Variants in NRXN1 observed in about 807,000 individuals in gnomAD.
NRXN1 encodes the protein neurexin-1.
A neutral mutation model predicts 150.9 loss-of-function variants in NRXN1; 39 were observed. The observed-to-expected ratio is 0.26, with a 90% CI of 0.20 to 0.34. The LOEUF is 0.34. Ranked by LOEUF, NRXN1 falls within the 10% of genes least tolerant of loss-of-function variation. The pLI, the probability that NRXN1 is intolerant of heterozygous loss-of-function variation, is 1.00. For synonymous variants in NRXN1, 924 were observed against 757.0 expected (o/e 1.22, Z -3.62); for missense variants, 1,815 against 1,949.9 (o/e 0.93, Z 1.30).
chr2:50,481,663 C>T (rs767652883), intron 15 of NRXN1, among the ~76,000 whole-genome samples: 13 of 151,714 alleles, frequency 8.6e-5, no homozygotes, highest in Admixed American at 3.9e-4. Flanking sequence ...AGAGTTTAGA[C>T]CTTAACGTTT....
chr2:50,182,669 A>G (rs1216852100), intron 18 of NRXN1, among the ~76,000 whole-genome samples: 2 of 152,078 alleles, frequency 1.3e-5, no homozygotes, highest in African/African-American at 4.8e-5. Flanking sequence ...AGCTGTCGCC[A>G]TCCTCTACAA....
At chr2:50,390,495 G>C (rs1285591802) in intron 17 of NRXN1, among the ~76,000 whole-genome samples, 1 of 152,136 alleles carries the variant, frequency 6.6e-6, no homozygotes, top group Admixed American at 6.6e-5. Context: ...TCAATGCTGT[G>C]TAACTGTACT....
chr2:50,373,669 A>AAGAAG (rs1156301635), intron 17 of NRXN1, among the ~76,000 whole-genome samples: 1 of 114,546 alleles, frequency 8.7e-6, no homozygotes, highest in Non-Finnish European at 1.7e-5. Context: ...AAAGAAAGAA[A>AAGAAG]GAAAGAAAGA....
In NRXN1 at chr2:50,346,417, C is replaced by A. The variant is rs2077975840; in HGVS notation, c.3365-109447G>T. 6.6e-6 allele frequency among the ~76,000 whole-genome samples: 1 copy of A among 152,118 alleles called. No individual in the cohort carries two copies. The highest frequency in any genetic ancestry group is 2.4e-5 in the African/African-American group (1 of 41,448). Reference sequence around the variant, plus strand: ...TTCCCGCGGGGCCCAGCCGCGCGACCAGGGCTGGTCCTTTAGTAGGTGTCC... The same window carrying A: ...TTCCCGCGGGGCCCAGCCGCGCGACAAGGGCTGGTCCTTTAGTAGGTGTCC... On this transcript the variant is annotated intron_variant, in intron 17 of 22. Transcript: ENST00000401669. The surrounding 1 kb of genome is among the most constrained non-coding windows in gnomAD (Gnocchi z 5.0).
intron 2 of NRXN1, among the ~76,000 whole-genome samples, chr2:51,010,384 C>A (rs1667656005): frequency 6.6e-6 from 1 of 151,968 alleles, no homozygotes; most frequent in South Asian, 2.1e-4. Context: ...TTTATTTATA[C>A]TCGCTAAACG....
At chr2:50,619,439 A>C (rs1034826633) in intron 8 of NRXN1, 1 of 152,928 alleles carries the variant, frequency 6.5e-6, no homozygotes, top group Non-Finnish European at 1.5e-5. Flanking sequence ...ATGAGGGATG[A>C]AATTATTGAT....
At chr2:50,260,856 CAGG>C (rs1331168762) in intron 17 of NRXN1, among the ~76,000 whole-genome samples, 2 of 151,784 alleles carry the variant, frequency 1.3e-5, no homozygotes, top group Middle Eastern at 3.4e-3. Context: ...TCAAAATCCT[CAGG>C]AGATCAGTCT....
chr2:50,239,526 A>G (rs1177016497), intron 17 of NRXN1, among the ~76,000 whole-genome samples: 2 of 149,530 alleles, frequency 1.3e-5, no homozygotes, highest in African/African-American at 4.9e-5. Context: ...TCTACTTATT[A>G]TGGAACATAG....
At chr2:50,027,912 CG>C in intron 21 of NRXN1, among the ~76,000 whole-genome samples, 1 of 152,226 alleles carries the variant, frequency 6.6e-6, no homozygotes, top group African/African-American at 2.4e-5. Flanking sequence ...AAATAAGCCC[CG>C]ATTCCTATTA....
intron 13 of NRXN1, among the ~76,000 whole-genome samples, chr2:50,505,348 G>A (rs949532807): frequency 2.6e-5 from 4 of 152,138 alleles, no homozygotes; most frequent in African/African-American, 4.8e-5. Flanking sequence ...GAATATGTGT[G>A]TCCTATCTAC....
chr2:50,498,991 C>T (rs2091797319), intron 13 of NRXN1, among the ~76,000 whole-genome samples: 1 of 152,176 alleles, frequency 6.6e-6, no homozygotes, highest in South Asian at 2.1e-4. Flanking sequence ...TGCATTGAAC[C>T]TTTTCCCCAG....
At chr2:50,899,149 G>C (rs908839799) in intron 5 of NRXN1, among the ~76,000 whole-genome samples, 8 of 152,082 alleles carry the variant, frequency 5.3e-5, no homozygotes, top group Non-Finnish European at 1.2e-4. Flanking sequence ...TGAAGCAATA[G>C]GTTGACTTTT....
intron 5 of NRXN1, among the ~76,000 whole-genome samples, chr2:50,744,731 A>C (rs541654735): frequency 6.6e-6 from 1 of 152,276 alleles, no homozygotes; most frequent in South Asian, 2.1e-4. Flanking sequence ...TTAGATTGTG[A>C]ATATGTATAT....
At chr2:50,715,030 T>C (rs1695687600) in intron 5 of NRXN1, among the ~76,000 whole-genome samples, 1 of 152,142 alleles carries the variant, frequency 6.6e-6, no homozygotes, top group African/African-American at 2.4e-5. Context: ...ATTTAATATG[T>C]GGACTGTTTA....
At chr2:50,949,402 C>G (rs531560813) in intron 2 of NRXN1, among the ~76,000 whole-genome samples, 8 of 151,878 alleles carry the variant, frequency 5.3e-5, no homozygotes, top group Non-Finnish European at 1.2e-4. Context: ...ATAGACTTGG[C>G]TGAACAGTCT....
intron 17 of NRXN1, among the ~76,000 whole-genome samples, chr2:50,243,229 C>A (rs1263189417): frequency 6.6e-6 from 1 of 151,106 alleles, no homozygotes; most frequent in Non-Finnish European, 1.5e-5. Context: ...CTAAACATAC[C>A]GATTTGATTT....
rs1383423231 is a variant in NRXN1, at chr2:50,805,274, C to A, written c.832+116595G>T. Among the ~76,000 whole-genome samples, 7 of 151,912 alleles carry A rather than the reference C, an allele frequency of 4.6e-5. 1 individual carries two copies. Among genetic ancestry groups the A allele is most frequent in the Admixed American group, 2.0e-4 (3 of 15,240 alleles). On this transcript the variant is annotated intron_variant, in intron 5 of 22. Transcript: ENST00000401669. ...TTATTACACCTCTAAAAACATATTACGTGAGGACTTTAGACATATAAGGTT... is the reference window on the plus strand; with the variant it reads ...TTATTACACCTCTAAAAACATATTAAGTGAGGACTTTAGACATATAAGGTT...
intron 17 of NRXN1, among the ~76,000 whole-genome samples, chr2:50,449,821 A>G (rs2086794020): frequency 6.6e-6 from 1 of 152,160 alleles, no homozygotes; most frequent in Admixed American, 6.5e-5. Context: ...CAATTATATA[A>G]TTCCTACTAG....
chr2:50,698,702 C>T (rs9973691), intron 5 of NRXN1, among the ~76,000 whole-genome samples: 2,751 of 152,178 alleles, frequency 0.018, 73 homozygotes, highest in African/African-American at 0.056. Flanking sequence ...ACCACTGAAA[C>T]AGAATCTCAT....
Sources: gnomAD v4.1 joint callset for allele counts (sites outside exome capture counted in the v4.1 genomes callset) on GRCh38, gnomAD v4.1.1 for gene constraint, Gnocchi (gnomAD v3.1) non-coding constraint, MANE v1.5 for transcripts, NCBI Gene and HGNC (gene_info 2026-07-23, HGNC 2026-07-21) for gene names.